DSCAM: variants seen among roughly 807,000 people sequenced by gnomAD.
DSCAM encodes cell adhesion molecule DSCAM.
Under a neutral mutation model 217.7 loss-of-function variants are expected in DSCAM, and 47 were observed. The ratio of observed to expected loss-of-function variants is 0.22; its 90% CI spans 0.17 to 0.28. The LOEUF (loss-of-function observed/expected upper bound fraction) is 0.28, where lower values mean the gene tolerates loss of function less well. Ranked by LOEUF, DSCAM falls within the 10% of genes least tolerant of loss-of-function variation. The probability of loss-of-function intolerance (pLI) is 1.00; values close to 1 mark genes in which losing one functional copy is unlikely to be tolerated. For synonymous variants in DSCAM, 1,056 were observed against 1,015.3 expected (o/e 1.04, Z -0.76); for missense variants, 2,080 against 2,618.3 (o/e 0.79, Z 4.49).
intron 1 of DSCAM, among the ~76,000 whole-genome samples, chr21:40,843,476 C>T (rs1217486777): frequency 2.0e-5 from 3 of 151,974 alleles, no homozygotes; most frequent in Non-Finnish European, 4.4e-5. Flanking sequence ...CTTCATCATT[C>T]TGTTTGTCTG....
At chr21:40,747,734 C>T (rs1008422458) in intron 1 of DSCAM, among the ~76,000 whole-genome samples, 1 of 149,658 alleles carries the variant, frequency 6.7e-6, no homozygotes, top group African/African-American at 2.5e-5. Flanking sequence ...CAGCATTACC[C>T]TGATCCAAAA....
chr21:40,838,118 T>TA (rs1276494417), intron 1 of DSCAM, among the ~76,000 whole-genome samples: 6 of 152,184 alleles, frequency 3.9e-5, no homozygotes, highest in Non-Finnish European at 8.8e-5. Flanking sequence ...CTTTTGTATT[T>TA]AAAAAAATAA....
At chr21:40,620,189 GAAAA>G (rs1271467799) in intron 3 of DSCAM, among the ~76,000 whole-genome samples, 2 of 60,406 alleles carry the variant, frequency 3.3e-5, no homozygotes, top group East Asian at 3.7e-4. Flanking sequence ...AGAGAAAAAA[GAAAA>G]AGAAAGAAAG....
At chr21:40,763,083 T>C (rs2091352062) in intron 1 of DSCAM, among the ~76,000 whole-genome samples, 1 of 152,190 alleles carries the variant, frequency 6.6e-6, no homozygotes, top group African/African-American at 2.4e-5. Context: ...GCATTGGAAG[T>C]TCTGGCCAGA....
chr21:40,316,666 T>TA (rs1254883068), intron 8 of DSCAM, among the ~76,000 whole-genome samples: 2 of 152,170 alleles, frequency 1.3e-5, no homozygotes, highest in Non-Finnish European at 2.9e-5. Context: ...ATACCCTTTC[T>TA]ACAAGAAGTA....
chr21:40,214,735 C>CAAAAAAAAAAAAAAAAAAAAAA (rs1209648217), intron 11 of DSCAM, among the ~76,000 whole-genome samples: 4 of 67,854 alleles, frequency 5.9e-5, no homozygotes, highest in East Asian at 4.9e-4. Flanking sequence ...GCAACAACAG[C>CAAAAAAAAAAAAAAAAAAAAAA]AAAAAAAAAA....
rs571011935 is a variant in DSCAM, at chr21:40,377,564, A to G, written c.509-8319T>C. ...TAGGGGAGATTCTGTTTCAGAAAAG[A>G]TAAGAGCTCAGCTGTGAGCATGCTG... On this transcript the variant is annotated intron_variant, in intron 3 of 32. Transcript: ENST00000400454. Among the ~76,000 whole-genome samples, 20 of 152,168 alleles carry G rather than the reference A, an allele frequency of 1.3e-4. No homozygotes were observed. In the South Asian group the frequency reaches 3.1e-3, roughly 24 times the overall value.
chr21:40,516,892 T>C (rs1051786761), intron 3 of DSCAM, among the ~76,000 whole-genome samples: 1 of 124,096 alleles, frequency 8.1e-6, no homozygotes, highest in Non-Finnish European at 1.6e-5. Context: ...ACACACCATA[T>C]ATATATATAT....
intron 3 of DSCAM, among the ~76,000 whole-genome samples, chr21:40,671,500 T>TCCCC (rs147341396): frequency 2.7e-5 from 4 of 150,670 alleles, no homozygotes; most frequent in African/African-American, 9.8e-5. Flanking sequence ...ATAGTGAAAC[T>TCCCC]CCCCCCCCGC....
intron 1 of DSCAM, among the ~76,000 whole-genome samples, chr21:40,740,436 C>A (rs1490066993): frequency 1.3e-5 from 2 of 152,120 alleles, no homozygotes; most frequent in South Asian, 2.1e-4. Context: ...GCCTCCTCCC[C>A]CAATATGTTT....
intron 3 of DSCAM, among the ~76,000 whole-genome samples, chr21:40,428,363 C>T (rs1057026419): frequency 4.6e-5 from 7 of 151,326 alleles, no homozygotes; most frequent in Non-Finnish European, 1.0e-4. Flanking sequence ...CTCTGCCTCC[C>T]GGGTCCAAGC....
chr21:40,139,939 G>T (rs1021666065), intron 18 of DSCAM, among the ~76,000 whole-genome samples: 1 of 150,854 alleles, frequency 6.6e-6, no homozygotes, highest in Non-Finnish European at 1.5e-5. Context: ...TGTGGGTGTG[G>T]TGTGGTATGT....
chr21:40,687,750 TG>T (rs1383460585), intron 3 of DSCAM, among the ~76,000 whole-genome samples: 1 of 152,184 alleles, frequency 6.6e-6, no homozygotes, highest in Non-Finnish European at 1.5e-5. Context: ...AAACCGTGTG[TG>T]TAGCTACAGC....
intron 2 of DSCAM, among the ~76,000 whole-genome samples, chr21:40,706,667 A>C (rs1655452044): frequency 6.6e-6 from 1 of 152,230 alleles, no homozygotes; most frequent in South Asian, 2.1e-4. Context: ...GTCAAAGGGT[A>C]GCATTTATGC....
intron 1 of DSCAM, among the ~76,000 whole-genome samples, chr21:40,807,102 G>A (rs1288718330): frequency 9.0e-6 from 1 of 111,476 alleles, no homozygotes; most frequent in South Asian, 3.7e-4. Flanking sequence ...AGAACTTAAA[G>A]TATAATGAAT....
Position 40,428,014 on chromosome 21 carries a change from T to C in DSCAM, c.509-58769A>G, listed in dbSNP as rs974165278. 3.9e-5 allele frequency among the ~76,000 whole-genome samples: 6 copies of C among 152,338 alleles called. 1 individual carries two copies. The South Asian group carries it at 1.2e-3, about 32-fold the overall frequency. ...TTGTGCTACACTGTATCATCTTCGC[T>C]CTGGGAGAGCTCCATCTTTCTTGTC... is the stretch of plus-strand genomic sequence containing the variant. On this transcript the variant is annotated intron_variant, in intron 3 of 32. Coordinates refer to ENST00000400454, the MANE Select transcript of DSCAM (RefSeq NM_001389.5).
chr21:40,787,522 C>T (rs565227634), intron 1 of DSCAM, among the ~76,000 whole-genome samples: 1 of 152,148 alleles, frequency 6.6e-6, no homozygotes, highest in African/African-American at 2.4e-5. Context: ...GGTTATCTTG[C>T]ATTGTTTACA....
chr21:40,135,221 G>A (rs993676020), intron 18 of DSCAM, among the ~76,000 whole-genome samples: 1 of 152,214 alleles, frequency 6.6e-6, no homozygotes, highest in Admixed American at 6.5e-5. Flanking sequence ...GGTCTGGGGA[G>A]TTCCTTGTTG....
intron 11 of DSCAM, among the ~76,000 whole-genome samples, chr21:40,252,227 A>G (rs1004055408): frequency 6.6e-6 from 1 of 152,218 alleles, no homozygotes; most frequent in South Asian, 2.1e-4. Context: ...AATTAGTTAC[A>G]AAGACATAGA....
Sources: allele counts gnomAD v4.1 joint callset (sites outside exome capture counted in the v4.1 genomes callset), GRCh38; gene constraint gnomAD v4.1.1; transcripts MANE v1.5; gene names NCBI Gene and HGNC (gene_info 2026-07-23, HGNC 2026-07-21).